Variants in ZNF280B observed in about 807,000 individuals in gnomAD.
ZNF280B encodes the protein zinc finger protein 280B.
A neutral mutation model predicts 38.0 loss-of-function variants in ZNF280B; 16 were observed. That is an observed-to-expected ratio of 0.42 (90% CI 0.28 to 0.64). The LOEUF is 0.64. Ranked by LOEUF, ZNF280B falls within the 30% of genes least tolerant of loss-of-function variation. ZNF280B has a pLI of 0.21. For synonymous variants in ZNF280B, 253 were observed against 230.6 expected (o/e 1.10, Z -0.88); for missense variants, 581 against 639.6 (o/e 0.91, Z 0.99).
At chr22:22,499,910 A>G (rs994474177) in intron 2 of ZNF280B, among the ~76,000 whole-genome samples, 15 of 152,142 alleles carry the variant, frequency 9.9e-5, no homozygotes, top group African/African-American at 3.4e-4. Flanking sequence ...CATAATGGAG[A>G]TGACAAATAC....
At chr22:22,496,086 G>A (rs1430103411) in intron 2 of ZNF280B, among the ~76,000 whole-genome samples, 8 of 148,372 alleles carry the variant, frequency 5.4e-5, no homozygotes, top group African/African-American at 7.5e-5. Flanking sequence ...GATTACAGGC[G>A]TGAGCCACTG....
chr22:22,504,161 T>C (rs532026263), intron 2 of ZNF280B, among the ~76,000 whole-genome samples: 8 of 152,048 alleles, frequency 5.3e-5, no homozygotes, highest in Admixed American at 5.2e-4. Context: ...AGGCCGGGCA[T>C]GGTGGCTCAC....
rs71199486 is a variant in ZNF280B, at chr22:22,497,208, T to TAAAAAAAA, written c.-186-3036_-186-3029dup. ...TGAGCAGAATCTTGGTCTCCATCTT[T>TAAAAAAAA]AAAAAAAAAAAAAAAAAAAAAAAAA... is the stretch of plus-strand genomic sequence containing the variant. On this transcript the variant is annotated intron_variant, in intron 2 of 3. Transcript: ENST00000626650. Among the ~76,000 whole-genome samples the TAAAAAAAA allele has an allele frequency of 5.9e-5, 2 of 33,640 alleles. 1 individual carries two copies. Among genetic ancestry groups the TAAAAAAAA allele is most frequent in the African/African-American group, 1.9e-4 (2 of 10,526 alleles). 22.1% of individuals were successfully genotyped at this position (33,640 alleles called of 152,430 possible).
chr22:22,498,820 CG>C (rs1351209456), intron 2 of ZNF280B, among the ~76,000 whole-genome samples: 1 of 55,286 alleles, frequency 1.8e-5, no homozygotes, highest in African/African-American at 8.6e-5. Context: ...TTTTTGGAGA[CG>C]GGGTCTCGCT....
At chr22:22,506,570 G>A (rs1264840685) in intron 2 of ZNF280B, among the ~76,000 whole-genome samples, 1 of 151,738 alleles carries the variant, frequency 6.6e-6, no homozygotes, top group Non-Finnish European at 1.5e-5. Context: ...AAATTTTCCT[G>A]TAAGGACAAG....
chr22:22,495,472 A>G (rs2061675652), intron 2 of ZNF280B, among the ~76,000 whole-genome samples: 1 of 152,018 alleles, frequency 6.6e-6, no homozygotes, highest in South Asian at 2.1e-4. Flanking sequence ...TAAGTATAAT[A>G]AAAATGCAAA....
upstream of ZNF280B, chr22:22,509,127 G>C (rs1435650007): frequency 6.5e-6 from 1 of 152,894 alleles, no homozygotes; most frequent in East Asian, 2.0e-4. Flanking sequence ...CTTGGGGTGG[G>C]GGGTAGGCTT....
chr22:22,489,518 A>G, intron 3 of ZNF280B, 52 bp from the exon 4 acceptor site: 1 of 844,022 alleles, frequency 1.2e-6, no homozygotes, highest in East Asian at 2.6e-5. Context: ...ACCTTATTTA[A>G]TTTTCCTCCA....
At chr22:22,495,387 A>G (rs2061674236) in intron 2 of ZNF280B, among the ~76,000 whole-genome samples, 1 of 152,020 alleles carries the variant, frequency 6.6e-6, no homozygotes, top group Non-Finnish European at 1.5e-5. Context: ...ACATTAACAG[A>G]CAGAAATGAA....
At chr22:22,495,636 G>T (rs2061678658) in intron 2 of ZNF280B, among the ~76,000 whole-genome samples, 1 of 151,792 alleles carries the variant, frequency 6.6e-6, no homozygotes, top group African/African-American at 2.4e-5. Flanking sequence ...CACTTGAAGG[G>T]GATAAAAGGT....
chr22:22,488,127 C>T lies in ZNF280B; in HGVS notation c.1272G>A (p.Thr424=), dbSNP rs192821344. Residue 424 remains threonine (T), a synonymous_variant, in exon 4 of 4, where the codon ACG becomes ACA. Coordinates refer to ENST00000626650, the MANE Select transcript of ZNF280B (RefSeq NM_080764.4). The stretch of plus-strand genomic sequence containing the variant: ...GCAAATTCTTTGTGTTTTCATGGCA[C>T]GTTCTAAAATGTGTTTCTACATCAG... The part of the protein sequence containing the change: ...VFADVETHFR[T]CHENTKNLLC... The T allele has an allele frequency of 2.1e-5, 34 of 1,613,800 alleles. No homozygotes were observed. The African/African-American group carries it at 2.8e-4, about 13-fold the overall frequency.
intron 2 of ZNF280B, among the ~76,000 whole-genome samples, chr22:22,498,911 C>A (rs1173380169): frequency 2.0e-5 from 3 of 147,210 alleles, no homozygotes; most frequent in African/African-American, 7.5e-5. Flanking sequence ...CATTCTCCTG[C>A]CTCAGCCTCC....
rs558446535 is a variant in ZNF280B at position 22,502,963 on chromosome 22, A to G, written c.-187+4847T>C. The stretch of plus-strand genomic sequence containing the variant: ...AGAGAAGCAGAGGGAGATTTCACAC[A>G]TACTCTAGGAAAAGGTGATGTGAAG... On this transcript the variant is annotated intron_variant, in intron 2 of 3. Coordinates refer to ENST00000626650, the MANE Select transcript of ZNF280B (RefSeq NM_080764.4). 7.2e-4 allele frequency among the ~76,000 whole-genome samples: 110 copies of G among 152,082 alleles called. 3 individuals carry two copies. In the South Asian group the frequency reaches 0.022, roughly 30 times the overall value.
intron 3 of ZNF280B, 25 bp from the exon 4 acceptor site, chr22:22,489,491 G>T: frequency 8.8e-7 from 1 of 1,138,028 alleles, no homozygotes; most frequent in Non-Finnish European, 1.2e-6. Flanking sequence ...ACATCAGTAA[G>T]TACAGGAAAA....
rs76980817 is a variant in ZNF280B at position 22,503,360 on chromosome 22, C to T, written c.-187+4450G>A. ...TACTAAAAACCATTCAATTTCACAC[C>T]GCAAAGGGTGAATTTTATGGCATAT... On this transcript the variant is annotated intron_variant, in intron 2 of 3. Coordinates refer to ENST00000626650, the MANE Select transcript of ZNF280B (RefSeq NM_080764.4). Among the ~76,000 whole-genome samples the T allele has an allele frequency of 9.5e-3, 1,436 of 151,902 alleles. 19 individuals are homozygous for T. Among genetic ancestry groups the T allele is most frequent in the African/African-American group, 0.033 (1,378 of 41,412 alleles).
In ZNF280B at chr22:22,489,360, T is replaced by C. The variant is rs201970903; in HGVS notation, c.39A>G (p.Pro13=). ...QSCEEEKEPE[P]QKNIQETKQV... is the part of the protein sequence containing the mutation. ...GTTTGGTTTCTTGTATGTTCTTCTG[T>C]GGTTCAGGCTCTTTCTCTTCCTCAC... The change falls in exon 4 of 4, where the codon CCA becomes CCG. Residue 13 remains proline (P), a synonymous_variant. Coordinates refer to ENST00000626650, the MANE Select transcript of ZNF280B (RefSeq NM_080764.4). 5.6e-6 allele frequency: 9 copies of C among 1,609,056 alleles called. No individual in the cohort carries two copies. The highest frequency in any genetic ancestry group is 3.4e-6 in the Non-Finnish European group (4 of 1,178,544).
chr22:22,496,255 C>T (rs1166330071), intron 2 of ZNF280B, among the ~76,000 whole-genome samples: 1 of 151,224 alleles, frequency 6.6e-6, no homozygotes, highest in Admixed American at 6.6e-5. Context: ...CGCCACCATG[C>T]CTGGTTAATT....
Position 22,486,770 on chromosome 22 carries a change from C to T in ZNF280B, c.*997G>A, listed in dbSNP as rs894792474. 1.3e-5 allele frequency: 2 copies of T among 151,970 alleles called. No homozygotes were observed. Among genetic ancestry groups the T allele is most frequent in the African/African-American group, 4.8e-5 (2 of 41,382 alleles). The allele number at this position is 151,970 out of a possible 1,614,324, so 9.4% of individuals were successfully genotyped here. On this transcript the variant is annotated 3_prime_UTR_variant, in exon 4 of 4. Transcript: ENST00000626650. Reference sequence around the variant, plus strand: ...TCAGGTAGGTAAAGACACTCTGAAGCAGTGTTCCTTTTGACCTGGCCCCAA... The same window carrying T: ...TCAGGTAGGTAAAGACACTCTGAAGTAGTGTTCCTTTTGACCTGGCCCCAA...
chr22:22,496,783 T>C (rs137965446), intron 2 of ZNF280B, among the ~76,000 whole-genome samples: 2 of 151,374 alleles, frequency 1.3e-5, no homozygotes, highest in African/African-American at 4.8e-5. Flanking sequence ...TGAAAAAAAT[T>C]TGTGTGTGGC....
Sources: gnomAD v4.1 joint callset for allele counts (sites outside exome capture counted in the v4.1 genomes callset) on GRCh38, gnomAD v4.1.1 for gene constraint, MANE v1.5 for transcripts, NCBI Gene and HGNC (gene_info 2026-07-23, HGNC 2026-07-21) for gene names.